NOTCH4: variants seen among roughly 807,000 people sequenced by gnomAD.
The protein encoded by NOTCH4 is notch receptor 4.
NOTCH4 carries 138 observed loss-of-function variants against 189.0 expected under a neutral mutation model. The observed-to-expected ratio is 0.73, with a 90% CI of 0.64 to 0.84. The LOEUF is 0.84. Ranked by LOEUF, NOTCH4 falls within the 40% of genes least tolerant of loss-of-function variation. NOTCH4 has a pLI of 0.00. For missense variants in NOTCH4, 2,286 were observed against 2,605.4 expected (o/e 0.88, Z 2.67); for synonymous variants, 942 against 1,032.8 (o/e 0.91, Z 1.69).
Position 32,202,187 on chromosome 6 carries a change from G to A in NOTCH4, c.3644C>T (p.Pro1215Leu). The A allele has an allele frequency of 1.3e-6, 2 of 1,527,742 alleles. No homozygotes were observed. The highest frequency in any genetic ancestry group is 1.8e-6 in the Non-Finnish European group (2 of 1,137,496). The allele number at this position is 1,527,742 out of a possible 1,614,324, so 94.6% of individuals were successfully genotyped here. The stretch of plus-strand genomic sequence containing the variant: ...GAGAAGCCAGCACCGAGAGTGGGAG[G>A]GGCAGCCCTTCCAGGGGTCTGGGAC... Reference protein sequence around the residue: ...LGVPDPWKGCPSHSRCWLLFR... With the variant: ...LGVPDPWKGCLSHSRCWLLFR... Residue 1215 changes from proline (P) to leucine (L), a missense_variant, in exon 21 of 30, where the codon CCC becomes CTC. By Grantham distance (98) the Pro-to-Leu change is moderately conservative. Transcript: ENST00000375023. This position sits in a 1 kb window ranked among gnomAD's most constrained non-coding sequence, Gnocchi z 5.7.
At chr6:32,214,484 T>TATATATATATATACAC (rs28383875) in intron 12 of NOTCH4, among the ~76,000 whole-genome samples, 10 of 141,176 alleles carry the variant, frequency 7.1e-5, no homozygotes, top group African/African-American at 2.8e-4. Context: ...TATATATATA[T>TATATATATATATACAC]ACACACATAT....
At chr6:32,214,518 T>G (rs1394335479) in intron 12 of NOTCH4, among the ~76,000 whole-genome samples, 3 of 148,832 alleles carry the variant, frequency 2.0e-5, no homozygotes, top group Admixed American at 6.8e-5. Flanking sequence ...AACTTACTTA[T>G]TTTCTGTCTT....
chr6:32,218,767 G>A (rs1017336992), intron 8 of NOTCH4, among the ~76,000 whole-genome samples: 1 of 152,188 alleles, frequency 6.6e-6, no homozygotes, highest in African/African-American at 2.4e-5. Context: ...GGTGACCTGA[G>A]CCAGTATCTT....
intron 18 of NOTCH4, among the ~76,000 whole-genome samples, chr6:32,208,374 A>G (rs1385216439): frequency 1.3e-5 from 2 of 152,224 alleles, no homozygotes; most frequent in Non-Finnish European, 2.9e-5. Context: ...ATGGATGCAA[A>G]TCAGGGAAAT....
intron 8 of NOTCH4, among the ~76,000 whole-genome samples, chr6:32,219,206 A>C (rs778217184): frequency 6.6e-6 from 1 of 152,134 alleles, no homozygotes; most frequent in Non-Finnish European, 1.5e-5. Context: ...GAATCTCTAC[A>C]TGGGAGAGTT....
At chr6:32,197,839 T>C (rs1788053223) in intron 26 of NOTCH4, among the ~76,000 whole-genome samples, 1 of 141,290 alleles carries the variant, frequency 7.1e-6, no homozygotes, top group Non-Finnish European at 1.6e-5. Flanking sequence ...TTTTTTTTTC[T>C]GAGACGGAGT....
In NOTCH4 at chr6:32,223,910, G is replaced by T; in HGVS notation, c.19C>A (p.Leu7Met). The T allele has an allele frequency of 6.2e-7, 1 of 1,603,700 alleles. No homozygotes were observed. Among genetic ancestry groups the T allele is most frequent in the Admixed American group, 1.7e-5 (1 of 59,528 alleles). ...AGCAGCAGCAGCAGCAGCAGCAGCA[G>T]CAGTGAAGGGGGCTGCATTCCACAG... MQPPSL[L>M]LLLLLLLLLC... The change falls in exon 1 of 30, where the codon CTG becomes ATG. Residue 7 changes from leucine (L) to methionine (M), a missense_variant. Physicochemically the swap from Leu to Met is conservative, Grantham distance 15. Transcript: ENST00000375023.
chr6:32,222,028 C>T (rs1273984430), intron 3 of NOTCH4, among the ~76,000 whole-genome samples: 1 of 152,148 alleles, frequency 6.6e-6, no homozygotes, highest in African/African-American at 2.4e-5. Context: ...CCCAGGGTTA[C>T]ACCCCTCCTC....
rs763007123 is a variant in NOTCH4, at chr6:32,214,130, G to A, written c.2147C>T (p.Thr716Ile). ...CYPQPSGYNC[T>I]CPTGYTGPTC... ...CTCACCTGTGTAGCCTGTAGGGCAGGTGCAGTTGTAGCCAGAGGGCTGGGG... is the reference window on the plus strand; with the variant it reads ...CTCACCTGTGTAGCCTGTAGGGCAGATGCAGTTGTAGCCAGAGGGCTGGGG... The change falls in exon 13 of 30, where the codon ACC becomes ATC. Residue 716 changes from threonine to isoleucine, a missense_variant. Thr to Ile is a moderately conservative substitution (Grantham distance 89, BLOSUM62 -1). Transcript: ENST00000375023. 8.1e-6 allele frequency: 13 copies of A among 1,613,058 alleles called. No individual in the cohort carries two copies. Among genetic ancestry groups the A allele is most frequent in the Admixed American group, 1.7e-5 (1 of 59,820 alleles).
At chr6:32,216,907 A>T (rs1208831468) in intron 11 of NOTCH4, 38 bp downstream of exon 11, 1 of 1,612,390 alleles carries the variant, frequency 6.2e-7, no homozygotes, top group African/African-American at 1.3e-5. Context: ...ATGGAATAAA[A>T]TATTCTGCCA....
At chr6:32,213,385 T>C (rs1045607209) in intron 14 of NOTCH4, 133 bp from the exon 15 acceptor site, 33 of 635,508 alleles carry the variant, frequency 5.2e-5, no homozygotes, top group African/African-American at 1.8e-5. Flanking sequence ...AATTAATTTT[T>C]ATTTATATGA....
chr6:32,219,891 C>A, intron 7 of NOTCH4, 105 bp from the exon 8 acceptor site: 1 of 981,310 alleles, frequency 1.0e-6, no homozygotes, highest in Non-Finnish European at 1.5e-6. Flanking sequence ...CAGACGAGAC[C>A]AAATTGGGGA....
At position 32,195,863 on chromosome 6, in the gene NOTCH4, C is replaced by A; in HGVS notation, c.5586G>T (p.Arg1862=). ...PHGGGALPRC[R]TLSAGAGPRG... Reference sequence around the variant, plus strand: ...GAGGGCCTGCTCCGGCTGACAGCGTCCGGCAGCGCGGCAGAGCCCCGCCCC... The same window carrying A: ...GAGGGCCTGCTCCGGCTGACAGCGTACGGCAGCGCGGCAGAGCCCCGCCCC... Residue 1862 remains arginine (R), a synonymous_variant, in exon 30 of 30, where the codon CGG becomes CGT. Coordinates refer to ENST00000375023, the MANE Select transcript of NOTCH4 (RefSeq NM_004557.4). The surrounding 1 kb of genome is among the most constrained non-coding windows in gnomAD (Gnocchi z 5.4). 1 of 1,595,564 alleles carries A rather than the reference C, an allele frequency of 6.3e-7. No individual in the cohort carries two copies. Among genetic ancestry groups the A allele is most frequent in the East Asian group, 2.2e-5 (1 of 44,752 alleles).
At chr6:32,214,024 G>A (rs1789206955) in intron 13 of NOTCH4, 86 bp downstream of exon 13, 1 of 1,499,144 alleles carries the variant, frequency 6.7e-7, no homozygotes, top group Non-Finnish European at 9.1e-7. Context: ...AGTGGTGACT[G>A]AGACTCAGGG....
chr6:32,204,242 C>G lies in NOTCH4; in HGVS notation c.3013G>C (p.Gly1005Arg). The G allele has an allele frequency of 6.2e-7, 1 of 1,613,064 alleles. No individual in the cohort carries two copies. The highest frequency in any genetic ancestry group is 8.5e-7 in the Non-Finnish European group (1 of 1,180,038). Residue 1005 changes from glycine to arginine, a missense_variant, in exon 19 of 30, where the codon GGA becomes CGA. By Grantham distance (125) the Gly-to-Arg change is moderately radical (BLOSUM62 -2). Around this residue, in one of 2 missense-constraint regions of NOTCH4, gnomAD observed 1,903 missense variants for 2,261.9 expected, o/e 0.84. Coordinates refer to ENST00000375023, the MANE Select transcript of NOTCH4 (RefSeq NM_004557.4). ...PPGFVGLRCE[G>R]DVDECLDQPC... ...TGGTCCAGACACTCGTCCACGTCTCCCTCACAGCGTAGCCCCACAAAGCCT... is the reference window on the plus strand; with the variant it reads ...TGGTCCAGACACTCGTCCACGTCTCGCTCACAGCGTAGCCCCACAAAGCCT...
In NOTCH4 at chr6:32,223,791, C is replaced by T. The variant is rs1455511202; in HGVS notation, c.73+65G>A. The T allele has an allele frequency of 8.5e-6, 13 of 1,533,950 alleles. No individual in the cohort carries two copies. The South Asian group carries it at 1.2e-4, about 14-fold the overall frequency. ...ACGGCCTGGGGCTTGGCCCTCTTCC[C>T]CCACCCCACTGATCATCCTCCTAAG... On this transcript the variant is annotated intron_variant, in intron 1 of 29. Coordinates refer to ENST00000375023, the MANE Select transcript of NOTCH4 (RefSeq NM_004557.4).
intron 3 of NOTCH4, among the ~76,000 whole-genome samples, 163 bp downstream of exon 3, chr6:32,222,347 GT>G (rs1789831576): frequency 6.6e-6 from 1 of 152,226 alleles, no homozygotes; most frequent in Admixed American, 6.5e-5. Flanking sequence ...GCTGGTGAAT[GT>G]TGGTTGTGGG....
At chr6:32,219,524 G>T in intron 8 of NOTCH4, 68 bp downstream of exon 8, 1 of 1,390,114 alleles carries the variant, frequency 7.2e-7, no homozygotes, top group Non-Finnish European at 9.9e-7. Flanking sequence ...TACTCTGGAG[G>T]GGGCATTCCT....
rs199863906 is a variant in NOTCH4, at chr6:32,223,238, A to ACCCAGC, written c.74-158_74-153dup. On this transcript the variant is annotated intron_variant, in intron 1 of 29. Transcript: ENST00000375023. ...CATCTGTCCCCACTCTCCACATGGT[A>ACCCAGC]CCCAGCCCCAGCCCCAGTGCCCTCC... 1,873 of 671,196 alleles carry ACCCAGC rather than the reference A, an allele frequency of 2.8e-3. 8 individuals carry two copies. Among genetic ancestry groups the ACCCAGC allele is most frequent in the Non-Finnish European group, 2.5e-3 (942 of 370,078 alleles). The allele number at this position is 671,196 out of a possible 1,614,324, so 41.6% of individuals were successfully genotyped here.
Sources: gnomAD v4.1 joint callset for allele counts (sites outside exome capture counted in the v4.1 genomes callset) on GRCh38, gnomAD v4.1.1 for gene constraint, gnomAD v4.1.1 regional missense constraint, Gnocchi (gnomAD v3.1) non-coding constraint, MANE v1.5 for transcripts, NCBI Gene and HGNC (gene_info 2026-07-23, HGNC 2026-07-21) for gene names.